The following VPS45 variants were observed in gnomAD, a reference collection of about 807,000 sequenced individuals.
VPS45 encodes the protein vacuolar protein sorting-associated protein 45.
A neutral mutation model predicts 75.9 loss-of-function variants in VPS45; 35 were observed. The observed-to-expected ratio is 0.46, with a 90% CI of 0.35 to 0.61. The LOEUF is 0.61. VPS45 is among the 20% of genes least tolerant of loss of function. The probability of loss-of-function intolerance (pLI) is 0.00; values close to 1 mark genes in which losing one functional copy is unlikely to be tolerated. For synonymous variants in VPS45, 220 were observed against 238.2 expected, an observed-to-expected ratio of 0.92 and a Z score of 0.70; for missense variants, 559 against 685.9, an observed-to-expected ratio of 0.81 and a Z score of 2.07.
chr1:150,107,681 T>A (rs1489432818), intron 13 of VPS45, among the ~76,000 whole-genome samples: 1 of 152,196 alleles, frequency 6.6e-6, no homozygotes, highest in East Asian at 1.9e-4. Flanking sequence ...GCAGATCACC[T>A]GAGGTCAGGA....
chr1:150,110,033 A>G (rs587713349), intron 13 of VPS45: 1 of 152,376 alleles, frequency 6.6e-6, no homozygotes, highest in African/African-American at 2.4e-5. Flanking sequence ...TAGTTCTTTC[A>G]AAAATGCTTT....
chr1:150,079,371 C>G (rs587690006), intron 7 of VPS45, among the ~76,000 whole-genome samples: 148 of 152,158 alleles, frequency 9.7e-4, no homozygotes, highest in Non-Finnish European at 1.8e-3. Context: ...AGTATAAGAA[C>G]AGTGCACATA....
At chr1:150,130,368 T>C (rs1293882814) in intron 14 of VPS45, among the ~76,000 whole-genome samples, 1 of 151,868 alleles carries the variant, frequency 6.6e-6, no homozygotes, top group Non-Finnish European at 1.5e-5. Flanking sequence ...TTTATATTTT[T>C]TGTAGAGAGA....
At chr1:150,137,982 T>G (rs1284634300) in intron 14 of VPS45, among the ~76,000 whole-genome samples, 1 of 151,928 alleles carries the variant, frequency 6.6e-6, no homozygotes, top group Non-Finnish European at 1.5e-5. Flanking sequence ...AAGCCCTCTC[T>G]TAACCCCCTT....
chr1:150,102,962 G>T lies in VPS45; in HGVS notation c.1494-7534G>T, dbSNP rs114618798. ...GATGTAATAATATGTATGACAAACC[G>T]CCGTGACACATGCTTATGTAACAAA... On this transcript the variant is annotated intron_variant, in intron 13 of 14. Coordinates refer to ENST00000644510, the MANE Select transcript of VPS45 (RefSeq NM_007259.5). 2.7e-3 allele frequency among the ~76,000 whole-genome samples: 408 copies of T among 152,166 alleles called. 3 individuals carry two copies. The highest frequency in any genetic ancestry group is 9.5e-3 in the African/African-American group (395 of 41,514).
At chr1:150,078,481 C>T (rs926680348) in intron 7 of VPS45, among the ~76,000 whole-genome samples, 13 of 152,116 alleles carry the variant, frequency 8.5e-5, no homozygotes, top group African/African-American at 2.7e-4. Context: ...TCAATCTGGC[C>T]GGGCACGGTC....
chr1:150,128,367 T>C (rs1658632199), intron 14 of VPS45, among the ~76,000 whole-genome samples: 1 of 152,076 alleles, frequency 6.6e-6, no homozygotes, highest in African/African-American at 2.4e-5. Flanking sequence ...CTATCTGAAA[T>C]GATGCCTAAG....
At position 150,095,271 on chromosome 1, in the gene VPS45, G is replaced by A. The variant is rs145447382; in HGVS notation, c.1493+1623G>A. On this transcript the variant is annotated intron_variant, in intron 13 of 14. Coordinates refer to ENST00000644510, the MANE Select transcript of VPS45 (RefSeq NM_007259.5). ...GGGGTGGGGAGGACTACTTTAGATG[G>A]AGAGAGAACCTCTCTGAGAGGTGAT... Among the ~76,000 whole-genome samples the A allele has an allele frequency of 5.2e-3, 798 of 152,258 alleles. 8 individuals carry two copies. The highest frequency in any genetic ancestry group is 0.018 in the African/African-American group (765 of 41,542).
chr1:150,076,818 C>A, intron 4 of VPS45, 98 bp from the exon 5 acceptor site: 1 of 1,372,662 alleles, frequency 7.3e-7, no homozygotes, highest in South Asian at 1.2e-5. Flanking sequence ...CTGTATTTCA[C>A]AAAGTTTGGC....
At chr1:150,070,284 T>C (rs1447129718) in intron 2 of VPS45, among the ~76,000 whole-genome samples, 1 of 152,144 alleles carries the variant, frequency 6.6e-6, no homozygotes, top group Non-Finnish European at 1.5e-5. Flanking sequence ...ATATTCCCAA[T>C]TCCTGTCACA....
At chr1:150,129,561 T>C (rs1658707958) in intron 14 of VPS45, among the ~76,000 whole-genome samples, 1 of 152,046 alleles carries the variant, frequency 6.6e-6, no homozygotes, top group African/African-American at 2.4e-5. Context: ...TAATTTTATT[T>C]ATTTATTTAT....
chr1:150,120,487 G>A (rs1365894052), intron 14 of VPS45, among the ~76,000 whole-genome samples: 7 of 152,074 alleles, frequency 4.6e-5, no homozygotes, highest in Admixed American at 6.6e-5. Context: ...AAGTAAGCTC[G>A]TCATCTTAAG....
chr1:150,069,228 C>T (rs1044776814), intron 2 of VPS45, among the ~76,000 whole-genome samples: 2 of 152,184 alleles, frequency 1.3e-5, no homozygotes, highest in Admixed American at 6.5e-5. Flanking sequence ...TTGGTTTGAT[C>T]TGCCCATGTG....
chr1:150,076,262 G>A lies in VPS45; in HGVS notation c.319G>A (p.Val107Met), dbSNP rs782553177. ...CAGTAATGTGATCAGCAAGAGTGAC[G>A]TGAAGTCATTGGCTGAAGCTGATGA... ...YFSNVISKSDVKSLAEADEQE... is the reference protein window; with the variant it reads ...YFSNVISKSDMKSLAEADEQE... Residue 107 changes from valine to methionine, a missense_variant, in exon 4 of 15, where the codon GTG becomes ATG. Val to Met is a conservative substitution (Grantham distance 21). Transcript: ENST00000644510. 1.8e-5 allele frequency: 29 copies of A among 1,607,850 alleles called. No individual in the cohort carries two copies. The highest frequency in any genetic ancestry group is 1.2e-4 in the Admixed American group (7 of 59,478).
At chr1:150,091,083 A>G (rs74127427) in intron 10 of VPS45, among the ~76,000 whole-genome samples, 3,279 of 152,330 alleles carry the variant, frequency 0.022, 97 homozygotes, top group African/African-American at 0.074. Flanking sequence ...CACCATTTCC[A>G]TATTTATCCA....
chr1:150,086,993 CT>C (rs1656053760), intron 10 of VPS45, among the ~76,000 whole-genome samples: 1 of 150,056 alleles, frequency 6.7e-6, no homozygotes. Context: ...CGGAGACTAT[CT>C]TTATTACCAA....
At chr1:150,122,805 C>T (rs1347081955) in intron 14 of VPS45, among the ~76,000 whole-genome samples, 2 of 151,724 alleles carry the variant, frequency 1.3e-5, no homozygotes, top group African/African-American at 2.4e-5. Flanking sequence ...TTGAGACCAG[C>T]CTGGCCAACA....
At chr1:150,072,462 A>G (rs1655131785) in intron 3 of VPS45, among the ~76,000 whole-genome samples, 1 of 152,194 alleles carries the variant, frequency 6.6e-6, no homozygotes, top group Admixed American at 6.5e-5. Flanking sequence ...GTTTGAGACC[A>G]GCCTGACCAA....
chr1:150,115,623 T>A (rs1657890022), intron 14 of VPS45, among the ~76,000 whole-genome samples: 1 of 152,230 alleles, frequency 6.6e-6, no homozygotes, highest in African/African-American at 2.4e-5. Context: ...ACATTCAAGA[T>A]ACATCTCTCT....
Sources: allele counts gnomAD v4.1 joint callset (sites outside exome capture counted in the v4.1 genomes callset), GRCh38; gene constraint gnomAD v4.1.1; transcripts MANE v1.5; gene names NCBI Gene and HGNC (gene_info 2026-07-23, HGNC 2026-07-21).